The following NAA15 variants were observed in gnomAD, a reference collection of about 807,000 sequenced individuals.
The protein encoded by NAA15 is N-alpha-acetyltransferase 15, NatA auxiliary subunit, also known as N-terminal acetyltransferase.
In NAA15, 34 loss-of-function variants were observed where a neutral mutation model predicts 114.0. That is an observed-to-expected ratio of 0.30 (90% confidence interval 0.23 to 0.40). The LOEUF is 0.40. Among genes scored for constraint, NAA15 ranks in the 10% least tolerant of loss-of-function variants. The pLI, the probability that NAA15 is intolerant of heterozygous loss-of-function variation, is 1.00. For synonymous variants in NAA15, 340 were observed against 338.0 expected, an observed-to-expected ratio of 1.01 and a Z score of -0.06; for missense variants, 658 against 1,004.5, an observed-to-expected ratio of 0.66 and a Z score of 4.66.
intron 1 of NAA15, among the ~76,000 whole-genome samples, chr4:139,332,599 T>C (rs902362989): frequency 7.3e-6 from 1 of 137,704 alleles, no homozygotes; most frequent in African/African-American, 2.9e-5. Context: ...TTTTTTTTTT[T>C]TGAGACGGAG....
intron 9 of NAA15, among the ~76,000 whole-genome samples, chr4:139,352,597 C>T (rs558352191): frequency 1.1e-4 from 16 of 151,272 alleles, no homozygotes; most frequent in East Asian, 7.8e-4. Flanking sequence ...GGAGACCCAA[C>T]GTATGGGCTT....
At chr4:139,336,296 C>T (rs1747198336) in intron 2 of NAA15, among the ~76,000 whole-genome samples, 1 of 152,020 alleles carries the variant, frequency 6.6e-6, no homozygotes, top group African/African-American at 2.4e-5. Context: ...TTTTAACTCT[C>T]TTTTAATCTT....
intron 14 of NAA15, among the ~76,000 whole-genome samples, chr4:139,364,672 CAGAT>C (rs1298585937): frequency 6.6e-6 from 1 of 152,212 alleles, no homozygotes; most frequent in South Asian, 2.1e-4. Context: ...CATCAGTACA[CAGAT>C]AGGTTTCTGT....
intron 1 of NAA15, among the ~76,000 whole-genome samples, chr4:139,332,579 T>TG (rs1747054566): frequency 8.6e-6 from 1 of 116,560 alleles, no homozygotes; most frequent in Non-Finnish European, 1.8e-5. Context: ...TATGTTTTTT[T>TG]TTTTTTTTTT....
intron 4 of NAA15, 112 bp from the exon 5 acceptor site, chr4:139,342,711 GTGC>G (rs1291703063): frequency 2.2e-6 from 2 of 905,820 alleles, no homozygotes; most frequent in Non-Finnish European, 3.4e-6. Flanking sequence ...GCCTCCCAAA[GTGC>G]TGGGATTACA....
At chr4:139,324,119 C>G (rs1014162983) in intron 1 of NAA15, among the ~76,000 whole-genome samples, 3 of 152,106 alleles carry the variant, frequency 2.0e-5, no homozygotes, top group Non-Finnish European at 2.9e-5. Flanking sequence ...CCTGCTCAAG[C>G]AATCTGCCCA....
Position 139,308,527 on chromosome 4 carries a change from CAA to C in NAA15, c.54+6701_54+6702del, listed in dbSNP as rs779765418. 5.9e-5 allele frequency among the ~76,000 whole-genome samples: 9 copies of C among 152,100 alleles called. No homozygotes were observed. In the East Asian group the frequency reaches 1.5e-3, roughly 26 times the overall value. ...TGTACTTCATATATTTAGAATATAA[CAA>C]AAAATCAAAAAATGGAAACAAAGTT... On this transcript the variant is annotated intron_variant, in intron 1 of 19. Coordinates refer to ENST00000296543, the MANE Select transcript of NAA15 (RefSeq NM_057175.5).
chr4:139,355,186 A>G (rs1391457231), intron 10 of NAA15, among the ~76,000 whole-genome samples: 2 of 152,166 alleles, frequency 1.3e-5, no homozygotes, highest in South Asian at 4.1e-4. Flanking sequence ...ACAAAAATTA[A>G]TACTTTCTTA....
chr4:139,358,031 G>C (rs1297095008), intron 11 of NAA15, among the ~76,000 whole-genome samples: 3 of 152,000 alleles, frequency 2.0e-5, no homozygotes, highest in African/African-American at 4.8e-5. Flanking sequence ...ATATATTTTA[G>C]TATCATCTTA....
chr4:139,326,796 C>G (rs1023465683), intron 1 of NAA15, among the ~76,000 whole-genome samples: 6 of 152,130 alleles, frequency 3.9e-5, no homozygotes, highest in Non-Finnish European at 7.4e-5. Context: ...GCCATTAATA[C>G]AAAGTCAATT....
chr4:139,366,176 T>G (rs1748277884), intron 14 of NAA15, among the ~76,000 whole-genome samples: 1 of 152,188 alleles, frequency 6.6e-6, no homozygotes, highest in African/African-American at 2.4e-5. Context: ...ACCCTTTTTT[T>G]GGGTCAGGAA....
intron 1 of NAA15, among the ~76,000 whole-genome samples, chr4:139,312,327 A>G (rs1026194648): frequency 2.0e-5 from 3 of 151,876 alleles, no homozygotes; most frequent in African/African-American, 7.3e-5. Flanking sequence ...CTGTGGTTGT[A>G]TTCTTGACTT....
Position 139,357,420 on chromosome 4 carries a change from T to C in NAA15, c.1122T>C (p.Leu374=), listed in dbSNP as rs751083482. Residue 374 remains leucine (L), a synonymous_variant, in exon 11 of 20, where the codon CTT becomes CTC. Transcript: ENST00000296543. ...AGGAGGAACCACCAACCACATTACT[T>C]TGGGTCCAGTACTACTTGGCACAAC... The part of the protein sequence containing the change: ...DGKEEPPTTL[L]WVQYYLAQHY... 33 of 1,613,784 alleles carry C rather than the reference T, an allele frequency of 2.0e-5. No homozygotes were observed. The highest frequency in any genetic ancestry group is 2.7e-5 in the African/African-American group (2 of 74,910).
intron 1 of NAA15, among the ~76,000 whole-genome samples, chr4:139,303,940 C>T (rs1020563172): frequency 6.6e-5 from 10 of 151,962 alleles, no homozygotes; most frequent in Non-Finnish European, 1.3e-4. Context: ...TTGTTTGAGA[C>T]GGAGTCTCGC....
At chr4:139,314,345 G>T (rs1311073895) in intron 1 of NAA15, among the ~76,000 whole-genome samples, 6 of 151,874 alleles carry the variant, frequency 4.0e-5, no homozygotes, top group Admixed American at 6.6e-5. Flanking sequence ...GCTGTTTTCT[G>T]TGTTCATCTA....
chr4:139,352,004 A>G (rs1355948084), intron 9 of NAA15, among the ~76,000 whole-genome samples: 2 of 152,002 alleles, frequency 1.3e-5, no homozygotes, highest in Non-Finnish European at 2.9e-5. Context: ...AATTTGGTAG[A>G]CAAAAAGTTC....
chr4:139,308,016 T>C (rs1372022898), intron 1 of NAA15, among the ~76,000 whole-genome samples: 4 of 151,980 alleles, frequency 2.6e-5, no homozygotes, highest in African/African-American at 9.7e-5. Context: ...GGCTGGAGTG[T>C]AGTGGTGCAA....
At chr4:139,385,792 AAAG>A (rs1178772610) in intron 18 of NAA15, among the ~76,000 whole-genome samples, 12 of 152,212 alleles carry the variant, frequency 7.9e-5, no homozygotes, top group African/African-American at 2.9e-4. Flanking sequence ...CTTATTTCAG[AAAG>A]AAGACTATCA....
At chr4:139,344,103 T>C (rs1405684539) in intron 5 of NAA15, 83 bp from the exon 6 acceptor site, 65 of 1,245,420 alleles carry the variant, frequency 5.2e-5, no homozygotes, top group Non-Finnish European at 7.0e-5. Context: ...CTTTGACTTC[T>C]TACATGTTTT....
Sources: gnomAD v4.1 joint callset for allele counts (sites outside exome capture counted in the v4.1 genomes callset) on GRCh38, gnomAD v4.1.1 for gene constraint, MANE v1.5 for transcripts, NCBI Gene and HGNC (gene_info 2026-07-23, HGNC 2026-07-21) for gene names.